The following GALNT14 variants were observed in gnomAD, a reference collection of about 807,000 sequenced individuals.
The protein encoded by GALNT14 is polypeptide N-acetylgalactosaminyltransferase 14, also known as UDP-GalNAc:polypeptide N-acetylgalactosaminyltransferase 14.
Under a neutral mutation model 77.5 loss-of-function variants are expected in GALNT14, and 60 were observed. That is an observed-to-expected ratio of 0.77 (90% CI 0.63 to 0.96). The LOEUF is 0.96. Ranked by LOEUF, GALNT14 falls within the 40% of genes least tolerant of loss-of-function variation. GALNT14 has a pLI of 0.00. For synonymous variants in GALNT14, 280 were observed against 281.7 expected (o/e 0.99, Z 0.06); for missense variants, 710 against 731.0 (o/e 0.97, Z 0.33).
the GALNT14 span, among the ~76,000 whole-genome samples, chr2:30,895,094 A>G: frequency 1.3e-5 from 2 of 152,202 alleles, no homozygotes; most frequent in South Asian, 2.1e-4. Context: ...CCTATTCTGG[A>G]TAGAGAAATA....
chr2:30,889,557 C>A, the GALNT14 span, among the ~76,000 whole-genome samples: 1 of 152,222 alleles, frequency 6.6e-6, no homozygotes, highest in Non-Finnish European at 1.5e-5. Flanking sequence ...ATTCTCATGA[C>A]CACCTTGTGG....
intron 2 of GALNT14, among the ~76,000 whole-genome samples, chr2:30,979,429 C>T (rs753657776): frequency 5.3e-5 from 8 of 151,966 alleles, no homozygotes; most frequent in African/African-American, 9.7e-5. Context: ...AGGTGTGGGA[C>T]AAGGAGTACA....
In GALNT14 at chr2:30,932,119, C is replaced by T. The variant is rs368328840; in HGVS notation, c.1007G>A (p.Arg336Gln). 30 of 1,575,710 alleles carry T rather than the reference C, an allele frequency of 1.9e-5. No individual in the cohort carries two copies. The highest frequency in any genetic ancestry group is 3.6e-5 in the Admixed American group (2 of 54,968). ...AGGGAAAACGTAGGGGTGCTTCTTC[C>T]GGAAGACGTGCCCCACTCGGCTGCA... is the stretch of plus-strand genomic sequence containing the variant. Reference protein sequence around the residue: ...VPCSRVGHVFRKKHPYVFPDG... With the variant: ...VPCSRVGHVFQKKHPYVFPDG... Residue 336 changes from arginine to glutamine, a missense_variant, in exon 10 of 15, where the codon CGG (arginine) becomes CAG (glutamine). Arg to Gln is a conservative substitution (Grantham distance 43). Transcript: ENST00000349752.
chr2:31,098,899 G>T (rs908949803), intron 1 of GALNT14, among the ~76,000 whole-genome samples: 3 of 152,252 alleles, frequency 2.0e-5, no homozygotes, highest in Middle Eastern at 6.8e-3. Flanking sequence ...GTAAGCGGAA[G>T]AGGATCATCA....
intron 1 of GALNT14, among the ~76,000 whole-genome samples, chr2:31,085,731 A>T (rs1046018176): frequency 1.3e-4 from 20 of 152,194 alleles, no homozygotes; most frequent in African/African-American, 4.8e-4. Flanking sequence ...ACTGATGATC[A>T]GTTATTTTCC....
chr2:31,094,432 T>C (rs1384961519), intron 1 of GALNT14, among the ~76,000 whole-genome samples: 1 of 152,264 alleles, frequency 6.6e-6, no homozygotes, highest in Non-Finnish European at 1.5e-5. Context: ...TTTGGTGGTC[T>C]CTTCACTTGG....
chr2:30,986,439 T>C (rs1422389559), intron 2 of GALNT14, among the ~76,000 whole-genome samples: 1 of 152,168 alleles, frequency 6.6e-6, no homozygotes, highest in Non-Finnish European at 1.5e-5. Flanking sequence ...GCCAGATGTT[T>C]TATGTACCAC....
chr2:30,963,937 G>C (rs1667842835), intron 3 of GALNT14, among the ~76,000 whole-genome samples: 3 of 152,214 alleles, frequency 2.0e-5, no homozygotes, highest in African/African-American at 7.2e-5. Context: ...CTGAGCCATT[G>C]GGAGGTTAAG....
chr2:30,958,709 C>T (rs897409855), intron 3 of GALNT14, among the ~76,000 whole-genome samples: 2 of 152,230 alleles, frequency 1.3e-5, no homozygotes, highest in South Asian at 2.1e-4. Context: ...CCTCGGCAAC[C>T]CTCCTACTCC....
intron 1 of GALNT14, among the ~76,000 whole-genome samples, chr2:31,017,667 C>T (rs1671459662): frequency 1.3e-5 from 2 of 152,130 alleles, no homozygotes; most frequent in South Asian, 4.2e-4. Flanking sequence ...CCAAATCTTG[C>T]AGTCCACAGA....
chr2:30,936,467 C>A (rs138626571), intron 9 of GALNT14, among the ~76,000 whole-genome samples: 1 of 152,134 alleles, frequency 6.6e-6, no homozygotes, highest in Non-Finnish European at 1.5e-5. Flanking sequence ...AATGGAGCCT[C>A]GTATAATGTA....
At chr2:31,014,625 C>T (rs368496696) in intron 1 of GALNT14, among the ~76,000 whole-genome samples, 3 of 152,154 alleles carry the variant, frequency 2.0e-5, no homozygotes, top group East Asian at 3.8e-4. Context: ...CTGGGACACA[C>T]GATACATGTA....
chr2:31,125,303 T>A, intron 1 of GALNT14: 1 of 1,297,146 alleles, frequency 7.7e-7, no homozygotes, highest in Non-Finnish European at 1.1e-6. Flanking sequence ...CTTTGGCAAT[T>A]AATAGCAGCA....
At chr2:31,051,675 C>T (rs996712644) in intron 1 of GALNT14, among the ~76,000 whole-genome samples, 1 of 152,174 alleles carries the variant, frequency 6.6e-6, no homozygotes, top group Non-Finnish European at 1.5e-5. Flanking sequence ...TAATACCAGG[C>T]AAGCCGAGGG....
chr2:31,125,902 G>A (rs1363385977), intron 1 of GALNT14, among the ~76,000 whole-genome samples: 3 of 152,168 alleles, frequency 2.0e-5, no homozygotes, highest in Admixed American at 2.0e-4. Flanking sequence ...TGTATTTTCA[G>A]CATCTGTTGG....
At chr2:30,905,240 C>A in the GALNT14 span, among the ~76,000 whole-genome samples, 1 of 152,060 alleles carries the variant, frequency 6.6e-6, no homozygotes, top group African/African-American at 2.4e-5. Flanking sequence ...AGAGAAGAAG[C>A]CTTCAGACGA....
At chr2:31,050,323 C>T (rs4951961) in intron 1 of GALNT14, among the ~76,000 whole-genome samples, 63,832 of 151,986 alleles carry the variant, frequency 0.42, 13,638 homozygotes, top group East Asian at 0.54. Context: ...GCGGCCGAGG[C>T]GGCTCCCTTC....
intron 1 of GALNT14, among the ~76,000 whole-genome samples, chr2:31,092,819 G>C (rs1558564210): frequency 6.6e-6 from 1 of 152,144 alleles, no homozygotes; most frequent in Non-Finnish European, 1.5e-5. Context: ...CACTAACATG[G>C]GTACCCTTTC....
At chr2:31,015,077 G>A (rs572197002) in intron 1 of GALNT14, among the ~76,000 whole-genome samples, 2 of 152,052 alleles carry the variant, frequency 1.3e-5, no homozygotes, top group African/African-American at 4.8e-5. Context: ...ATCACCTGAG[G>A]TCAGGAGTTT....
Sources: allele counts gnomAD v4.1 joint callset (sites outside exome capture counted in the v4.1 genomes callset), GRCh38; gene constraint gnomAD v4.1.1; transcripts MANE v1.5; gene names NCBI Gene and HGNC (gene_info 2026-07-23, HGNC 2026-07-21).